SLC35D2: variants seen among roughly 807,000 people sequenced by gnomAD.
SLC35D2 encodes the protein nucleotide sugar transporter SLC35D2.
A neutral mutation model predicts 41.8 loss-of-function variants in SLC35D2; 43 were observed. The observed-to-expected ratio is 1.03, with a 90% confidence interval of 0.81 to 1.33. The LOEUF (loss-of-function observed/expected upper bound fraction) is 1.33. Among genes scored for constraint, SLC35D2 ranks in the 40% most tolerant of loss-of-function variants. SLC35D2 has a pLI of 0.00. For synonymous variants in SLC35D2, 150 were observed against 163.9 expected (o/e 0.92, Z 0.65); for missense variants, 380 against 408.4 (o/e 0.93, Z 0.60).
At chr9:96,349,167 C>A (rs747994361) in intron 6 of SLC35D2, among the ~76,000 whole-genome samples, 9 of 152,154 alleles carry the variant, frequency 5.9e-5, no homozygotes, top group Non-Finnish European at 1.5e-5. Flanking sequence ...TAAAAGAGTG[C>A]GCCCACCCAT....
chr9:96,317,929 A>G (rs1226976683), downstream of SLC35D2, among the ~76,000 whole-genome samples: 2 of 115,924 alleles, frequency 1.7e-5, no homozygotes, highest in Admixed American at 1.8e-4. Context: ...GCTACTTGGG[A>G]GGGAGGCTGA....
chr9:96,379,858 AT>A (rs1831115774), intron 1 of SLC35D2, among the ~76,000 whole-genome samples: 1 of 151,772 alleles, frequency 6.6e-6, no homozygotes, highest in Non-Finnish European at 1.5e-5. Context: ...TTCTCCTTCA[AT>A]CATGAAACTC....
chr9:96,371,525 A>G (rs1251865365), intron 1 of SLC35D2, among the ~76,000 whole-genome samples: 1 of 146,320 alleles, frequency 6.8e-6, no homozygotes, highest in Non-Finnish European at 1.5e-5. Flanking sequence ...CTGGATCTAA[A>G]AGAAACTCAA....
chr9:96,341,687 G>A (rs2130900127), intron 8 of SLC35D2, among the ~76,000 whole-genome samples: 1 of 152,300 alleles, frequency 6.6e-6, no homozygotes, highest in Non-Finnish European at 1.5e-5. Flanking sequence ...ATTACAGGCA[G>A]AGGGCAACTT....
intron 4 of SLC35D2, among the ~76,000 whole-genome samples, chr9:96,359,294 C>T (rs1306124564): frequency 2.0e-5 from 3 of 146,732 alleles, no homozygotes; most frequent in Admixed American, 6.9e-5. Context: ...GGCGACAGAG[C>T]GAGACTCCGT....
At chr9:96,319,505 T>TA (rs71368243), downstream of SLC35D2, among the ~76,000 whole-genome samples, 83,257 of 151,022 alleles carry the variant, frequency 0.55, 23,169 homozygotes, top group African/African-American at 0.63. Context: ...TACCACAATT[T>TA]AAAAAAAAAG....
chr9:96,349,435 G>A (rs1349987857), intron 6 of SLC35D2, among the ~76,000 whole-genome samples: 1 of 152,096 alleles, frequency 6.6e-6, no homozygotes, highest in Non-Finnish European at 1.5e-5. Context: ...ACCCCACTGG[G>A]TCACTGGGTG....
At chr9:96,344,533 C>A (rs1283713155) in intron 7 of SLC35D2, among the ~76,000 whole-genome samples, 34 of 60,900 alleles carry the variant, frequency 5.6e-4, no homozygotes, top group East Asian at 7.4e-4. Context: ...AAAAAAAGGC[C>A]ATGCAGGGGA....
chr9:96,357,574 T>C (rs1454469846), intron 4 of SLC35D2: 1 of 152,142 alleles, frequency 6.6e-6, no homozygotes, highest in Non-Finnish European at 1.5e-5. Context: ...AAATTTTTAA[T>C]TAATTGAAAT....
intron 9 of SLC35D2, among the ~76,000 whole-genome samples, chr9:96,336,295 A>C (rs1398064331): frequency 6.6e-6 from 1 of 152,144 alleles, no homozygotes; most frequent in African/African-American, 2.4e-5. Flanking sequence ...AGTCCCAGCT[A>C]ATCAGGAGGC....
chr9:96,344,250 C>G (rs1203547479), intron 7 of SLC35D2, among the ~76,000 whole-genome samples: 1 of 151,738 alleles, frequency 6.6e-6, no homozygotes, highest in Non-Finnish European at 1.5e-5. Flanking sequence ...GGGTTCCATT[C>G]ATCTCCAGCA....
At chr9:96,355,036 T>G (rs1240041506) in intron 4 of SLC35D2, among the ~76,000 whole-genome samples, 1 of 150,438 alleles carries the variant, frequency 6.6e-6, no homozygotes, top group African/African-American at 2.4e-5. Context: ...CGTCTCTACT[T>G]TGAGACAGGG....
intron 1 of SLC35D2, among the ~76,000 whole-genome samples, chr9:96,382,496 C>CACACTCTATATATATATATA (rs200897475): frequency 4.7e-5 from 6 of 127,914 alleles, no homozygotes; most frequent in African/African-American, 1.8e-4. Context: ...CACACACACA[C>CACACTCTATATATATATATA]TATATATATA....
At chr9:96,363,196 T>C (rs1830350006) in intron 3 of SLC35D2, among the ~76,000 whole-genome samples, 1 of 150,736 alleles carries the variant, frequency 6.6e-6, no homozygotes, top group Non-Finnish European at 1.5e-5. Context: ...AGACAACGTC[T>C]TACTACGTTC....
At chr9:96,329,714 G>C (rs1388556515) in intron 9 of SLC35D2, among the ~76,000 whole-genome samples, 1 of 151,974 alleles carries the variant, frequency 6.6e-6, no homozygotes, top group African/African-American at 2.4e-5. Flanking sequence ...ATAATAACTA[G>C]CTTTTAAACT....
intron 10 of SLC35D2, among the ~76,000 whole-genome samples, chr9:96,322,832 T>G (rs72621422): frequency 0.13 from 20,150 of 149,646 alleles, 1,792 homozygotes; most frequent in East Asian, 0.29. Context: ...GATTCTCCAG[T>G]CCAGCCTCCC....
intron 4 of SLC35D2, among the ~76,000 whole-genome samples, chr9:96,356,161 G>C (rs13296316): frequency 0.026 from 3,994 of 152,274 alleles, 78 homozygotes; most frequent in Middle Eastern, 0.054. Context: ...GGATCTCTGC[G>C]CGCACTGGCT....
At chr9:96,320,610 A>T (rs1188676776), downstream of SLC35D2, 1 of 151,954 alleles carries the variant, frequency 6.6e-6, no homozygotes, top group Non-Finnish European at 1.5e-5. Flanking sequence ...CGAGTCATAA[A>T]GGAGTCTGGA....
intron 1 of SLC35D2, among the ~76,000 whole-genome samples, chr9:96,368,979 G>A (rs1315073683): frequency 2.0e-5 from 3 of 152,034 alleles, no homozygotes. Context: ...TGGCCAGGCT[G>A]GTCTCAAACT....
Sources: gnomAD v4.1 joint callset for allele counts (sites outside exome capture counted in the v4.1 genomes callset) on GRCh38, gnomAD v4.1.1 for gene constraint, MANE v1.5 for transcripts, NCBI Gene and HGNC (gene_info 2026-07-23, HGNC 2026-07-21) for gene names.